The following TTLL7 variants were observed in gnomAD, a reference collection of about 807,000 sequenced individuals.
The protein encoded by TTLL7 is tubulin tyrosine ligase like 7, also known as tubulin polyglutamylase TTLL7.
A neutral mutation model predicts 120.2 loss-of-function variants in TTLL7; 53 were observed. The ratio of observed to expected loss-of-function variants is 0.44; its 90% CI spans 0.35 to 0.55. The LOEUF (loss-of-function observed/expected upper bound fraction) is 0.55, where lower values mean the gene tolerates loss of function less well. Among genes scored for constraint, TTLL7 ranks in the 20% least tolerant of loss-of-function variants. The pLI is 0.00. For synonymous variants in TTLL7, 353 were observed against 351.7 expected, an observed-to-expected ratio of 1.00 and a Z score of -0.04; for missense variants, 803 against 1,054.7, an observed-to-expected ratio of 0.76 and a Z score of 3.31.
At chr1:83,909,754 C>T (rs998480466) in intron 15 of TTLL7, among the ~76,000 whole-genome samples, 2 of 152,056 alleles carry the variant, frequency 1.3e-5, no homozygotes, top group African/African-American at 4.8e-5. Flanking sequence ...AATCTCAGAG[C>T]TATAACAATG....
chr1:83,942,708 T>C (rs1232644608), intron 6 of TTLL7, 29 bp from the exon 7 acceptor site: 1 of 1,522,420 alleles, frequency 6.6e-7, no homozygotes, highest in Non-Finnish European at 9.0e-7. Flanking sequence ...ATTAAAAGAA[T>C]GATTTGACAT....
Position 83,867,505 on chromosome 1 carries a change from C to CTTA in TTLL7, c.*2456_*2457insTAA, listed in dbSNP as rs1557488820. The stretch of plus-strand genomic sequence containing the variant: ...AATCAATTTGTGGGGTACTTTCATA[C>CTTA]ATTTAAATTTACTCAGTTTTTAAAT... On this transcript the variant is annotated 3_prime_UTR_variant, in exon 21 of 21. Transcript: ENST00000260505. 1 of 150,858 alleles carries CTTA rather than the reference C, an allele frequency of 6.6e-6. No individual in the cohort carries two copies. Among genetic ancestry groups the CTTA allele is most frequent in the Non-Finnish European group, 1.5e-5 (1 of 67,612 alleles). The allele number at this position is 150,858 out of a possible 1,614,324, so 9.3% of individuals were successfully genotyped here.
At chr1:83,883,464 A>G (rs1379040926) in intron 19 of TTLL7, among the ~76,000 whole-genome samples, 1 of 151,866 alleles carries the variant, frequency 6.6e-6, no homozygotes, top group Non-Finnish European at 1.5e-5. Context: ...ATCATGATGC[A>G]CTACAGCCTC....
At chr1:83,923,311 A>G (rs945538869) in intron 10 of TTLL7, among the ~76,000 whole-genome samples, 1 of 152,056 alleles carries the variant, frequency 6.6e-6, no homozygotes, top group Non-Finnish European at 1.5e-5. Context: ...CAGGAAAAGA[A>G]AATAGAAATG....
chr1:83,994,201 T>A (rs961569983), intron 1 of TTLL7, among the ~76,000 whole-genome samples: 7 of 152,234 alleles, frequency 4.6e-5, no homozygotes, highest in African/African-American at 1.7e-4. Context: ...GCTTTTGTTT[T>A]CATTGTTTCA....
chr1:83,881,816 T>C (rs1348935742), intron 20 of TTLL7, among the ~76,000 whole-genome samples: 1 of 149,592 alleles, frequency 6.7e-6, no homozygotes, highest in Non-Finnish European at 1.5e-5. Flanking sequence ...CTATTCACAA[T>C]AGCAAAGACT....
intron 1 of TTLL7, 61 bp downstream of exon 1, chr1:83,998,870 C>T (rs951877420): frequency 5.7e-6 from 2 of 350,100 alleles, no homozygotes; most frequent in Non-Finnish European, 1.2e-5. Flanking sequence ...CAGGGCGGAG[C>T]CTTTGGGGAC....
At position 83,992,330 on chromosome 1, in the gene TTLL7, T is replaced by C. The variant is rs1653075388; in HGVS notation, c.-177+6601A>G. The stretch of plus-strand genomic sequence containing the variant: ...TCCAAAAAAATAATGGGTTGAAAAG[T>C]ATATCTATTAACTAAGGGGGAAGCT... On this transcript the variant is annotated intron_variant, in intron 1 of 20. Coordinates refer to ENST00000260505, the MANE Select transcript of TTLL7 (RefSeq NM_024686.6). 2.0e-5 allele frequency among the ~76,000 whole-genome samples: 3 copies of C among 152,042 alleles called. No homozygotes were observed. The South Asian group carries it at 6.2e-4, about 32-fold the overall frequency.
At chr1:83,950,124 G>A in intron 3 of TTLL7, 138 bp from the exon 4 acceptor site, 16 of 778,714 alleles carry the variant, frequency 2.1e-5, no homozygotes, top group Non-Finnish European at 2.7e-5. Context: ...CTTATTTTTA[G>A]TTACAACAGT....
intron 8 of TTLL7, among the ~76,000 whole-genome samples, chr1:83,937,437 A>C (rs1300589560): frequency 1.3e-5 from 2 of 152,082 alleles, no homozygotes; most frequent in Admixed American, 6.6e-5. Context: ...TCCTGACCTC[A>C]AGTGATCCAC....
intron 1 of TTLL7, among the ~76,000 whole-genome samples, chr1:83,976,413 G>A (rs979598083): frequency 1.3e-5 from 2 of 151,976 alleles, no homozygotes; most frequent in South Asian, 2.1e-4. Flanking sequence ...GGAAAGGGCA[G>A]TGTCTCTCAT....
At chr1:83,962,788 T>C (rs1557748277) in intron 1 of TTLL7, among the ~76,000 whole-genome samples, 1 of 152,116 alleles carries the variant, frequency 6.6e-6, no homozygotes. Context: ...CAACCTGGAA[T>C]GCAAACGTGA....
intron 18 of TTLL7, among the ~76,000 whole-genome samples, chr1:83,892,934 GAA>G (rs1204984230): frequency 0.029 from 3,316 of 113,426 alleles, 133 homozygotes; most frequent in African/African-American, 0.083. Flanking sequence ...AAAAGAGAAA[GAA>G]AGAAAGAAAG....
intron 17 of TTLL7, among the ~76,000 whole-genome samples, chr1:83,905,056 A>G (rs903972849): frequency 5.3e-5 from 8 of 151,960 alleles, no homozygotes; most frequent in Non-Finnish European, 8.8e-5. Flanking sequence ...TACCTGATTC[A>G]AAAAGATGGG....
Position 83,999,045 on chromosome 1 carries a change from C to G in TTLL7, c.-291G>C, listed in dbSNP as rs1453069601. ...GGCCGCCCCGACTCGGCAGCCTGCA[C>G]TGGTGGTCCGGTGCTCTCCTCCGCC... On this transcript the variant is annotated 5_prime_UTR_variant, in exon 1 of 21. Coordinates refer to ENST00000260505, the MANE Select transcript of TTLL7 (RefSeq NM_024686.6). 1 of 448,548 alleles carries G rather than the reference C, an allele frequency of 2.2e-6. No individual in the cohort carries two copies. Among genetic ancestry groups the G allele is most frequent in the Non-Finnish European group, 4.4e-6 (1 of 224,976 alleles). The allele number at this position is 448,548 out of a possible 1,614,324, so 27.8% of individuals were successfully genotyped here.
intron 1 of TTLL7, among the ~76,000 whole-genome samples, chr1:83,959,283 A>G (rs114930781): frequency 1.7e-3 from 264 of 152,296 alleles, no homozygotes; most frequent in African/African-American, 6.2e-3. Context: ...GAACCACTGC[A>G]CTAGAAGGCC....
rs879658266 is a variant in TTLL7 at position 83,866,741 on chromosome 1, C to G, written c.*3221G>C. The G allele has an allele frequency of 1.3e-5, 2 of 151,632 alleles. No homozygotes were observed. Among genetic ancestry groups the G allele is most frequent in the Admixed American group, 1.3e-4 (2 of 15,228 alleles). The allele number at this position is 151,632 out of a possible 1,614,324, so 9.4% of individuals were successfully genotyped here. A position where few individuals can be genotyped will look rare whatever the true frequency, so the allele number is the denominator to read the frequency against. On this transcript the variant is annotated 3_prime_UTR_variant, in exon 21 of 21. Coordinates refer to ENST00000260505, the MANE Select transcript of TTLL7 (RefSeq NM_024686.6). ...CATATTTAAGGTAAATGCAATGCTA[C>G]TAAAATAAAAATTTGTTGCTAGTAA... is the stretch of plus-strand genomic sequence containing the variant.
chr1:83,892,781 T>TATATATGAACGCATATGTGAAC (rs1439127208), intron 18 of TTLL7, among the ~76,000 whole-genome samples: 2 of 150,266 alleles, frequency 1.3e-5, no homozygotes. Flanking sequence ...TATGTGAACA[T>TATATATGAACGCATATGTGAAC]ATATATGAAC....
chr1:83,926,849 C>T (rs1294591721), intron 10 of TTLL7, among the ~76,000 whole-genome samples: 1 of 152,076 alleles, frequency 6.6e-6, no homozygotes, highest in Non-Finnish European at 1.5e-5. Flanking sequence ...TAATAGAATA[C>T]TTATGGAGGA....
Sources: gnomAD v4.1 joint callset for allele counts (sites outside exome capture counted in the v4.1 genomes callset) on GRCh38, gnomAD v4.1.1 for gene constraint, MANE v1.5 for transcripts, NCBI Gene and HGNC (gene_info 2026-07-23, HGNC 2026-07-21) for gene names.